The following MORC1 variants were observed in gnomAD, a reference collection of about 807,000 sequenced individuals.
MORC1 encodes MORC family CW-type zinc finger 1.
In MORC1, 59 loss-of-function variants were observed where a neutral mutation model predicts 134.9. The ratio of observed to expected loss-of-function variants is 0.44; its 90% CI spans 0.35 to 0.54. The LOEUF (loss-of-function observed/expected upper bound fraction) is 0.54. MORC1 is among the 20% of genes least tolerant of loss of function. The pLI, the probability that MORC1 is intolerant of heterozygous loss-of-function variation, is 0.00. For synonymous variants in MORC1, 395 were observed against 391.7 expected (o/e 1.01, Z -0.10); for missense variants, 947 against 1,134.5 (o/e 0.83, Z 2.37).
At chr3:109,000,807 A>C in intron 20 of MORC1, 149 bp from the exon 21 acceptor site, 1 of 597,734 alleles carries the variant, frequency 1.7e-6, no homozygotes, top group Non-Finnish European at 2.9e-6. Context: ...TTTGTGTATG[A>C]TAAGCGCTTG....
chr3:109,046,624 G>T (rs1949702353), intron 14 of MORC1, among the ~76,000 whole-genome samples: 1 of 152,066 alleles, frequency 6.6e-6, no homozygotes, highest in East Asian at 1.9e-4. Flanking sequence ...GCTCCTAAAA[G>T]CCTAAAGACC....
intron 27 of MORC1, 84 bp from the exon 28 acceptor site, chr3:108,959,204 C>T: frequency 8.4e-7 from 1 of 1,187,460 alleles, no homozygotes; most frequent in Non-Finnish European, 1.2e-6. Context: ...TAACAGTCTT[C>T]CCTATGACTC....
At chr3:109,054,942 T>C in intron 13 of MORC1, 60 bp from the exon 14 acceptor site, 1 of 1,419,918 alleles carries the variant, frequency 7.0e-7, no homozygotes, top group South Asian at 1.3e-5. Context: ...AAATCAAATA[T>C]ATTCTGGTCA....
intron 1 of MORC1, among the ~76,000 whole-genome samples, chr3:109,117,207 C>G (rs1310029098): frequency 1.3e-5 from 2 of 152,034 alleles, no homozygotes; most frequent in Non-Finnish European, 2.9e-5. Flanking sequence ...ATTATACAGT[C>G]TGTCCCACAG....
intron 11 of MORC1, among the ~76,000 whole-genome samples, chr3:109,061,288 C>T (rs908920664): frequency 3.3e-5 from 5 of 152,206 alleles, no homozygotes; most frequent in African/African-American, 9.6e-5. Context: ...CATTCACCAT[C>T]ATTTAAAGCT....
chr3:109,038,275 CTTG>C (rs1478459261), intron 14 of MORC1, among the ~76,000 whole-genome samples: 1 of 133,552 alleles, frequency 7.5e-6, no homozygotes, highest in African/African-American at 2.6e-5. Context: ...CCTTTGCCCA[CTTG>C]TTGATGGGGT....
intron 14 of MORC1, among the ~76,000 whole-genome samples, chr3:109,051,646 T>A (rs1949833938): frequency 6.6e-6 from 1 of 152,104 alleles, no homozygotes; most frequent in African/African-American, 2.4e-5. Flanking sequence ...AATTCATAGA[T>A]AACTATGGAA....
intron 14 of MORC1, chr3:109,049,278 G>A (rs1949765694): frequency 1.1e-5 from 3 of 280,094 alleles, no homozygotes; most frequent in Non-Finnish European, 1.6e-5. Flanking sequence ...ATGTTTTAAG[G>A]AAAATATTCA....
At chr3:108,961,029 T>C (rs1046128793) in intron 27 of MORC1, among the ~76,000 whole-genome samples, 3 of 152,244 alleles carry the variant, frequency 2.0e-5, no homozygotes, top group Admixed American at 2.0e-4. Context: ...TTCCATAAAC[T>C]GAGGTCTCCT....
chr3:109,008,478 C>T (rs1213243521), intron 17 of MORC1, among the ~76,000 whole-genome samples: 2 of 150,802 alleles, frequency 1.3e-5, no homozygotes, highest in East Asian at 3.9e-4. Flanking sequence ...ATGTATATTG[C>T]TATTATTATT....
intron 21 of MORC1, among the ~76,000 whole-genome samples, chr3:108,998,984 C>T (rs151007708): frequency 1.2e-3 from 187 of 152,320 alleles, no homozygotes; most frequent in Non-Finnish European, 1.6e-3. Context: ...AAAGTAAGGG[C>T]TCCATGAAAA....
chr3:109,071,629 TC>T (rs1950318766), intron 8 of MORC1, among the ~76,000 whole-genome samples: 1 of 152,152 alleles, frequency 6.6e-6, no homozygotes, highest in Non-Finnish European at 1.5e-5. Context: ...ATTCTCTCCT[TC>T]TCATGAAAGT....
At chr3:109,000,835 T>G (rs540022396) in intron 20 of MORC1, among the ~76,000 whole-genome samples, 177 bp from the exon 21 acceptor site, 9 of 152,204 alleles carry the variant, frequency 5.9e-5, no homozygotes, top group African/African-American at 2.2e-4. Context: ...TTAGAGCATA[T>G]CTGCCTTCCT....
chr3:109,094,422 G>A lies in MORC1; in HGVS notation c.583+487C>T, dbSNP rs566209993. ...TGCCAGTAGACACAGTGCATTCGACGTGTTGAACAGAAAGTTGGTGGAGGT... is the reference window on the plus strand; with the variant it reads ...TGCCAGTAGACACAGTGCATTCGACATGTTGAACAGAAAGTTGGTGGAGGT... On this transcript the variant is annotated intron_variant, in intron 7 of 27. Coordinates refer to ENST00000232603, the MANE Select transcript of MORC1 (RefSeq NM_014429.4). 1.4e-4 allele frequency among the ~76,000 whole-genome samples: 22 copies of A among 152,272 alleles called. 1 individual carries two copies. In the South Asian group the frequency reaches 4.2e-3, roughly 29 times the overall value.
intron 25 of MORC1, 57 bp downstream of exon 25, chr3:108,971,273 C>A: frequency 6.7e-7 from 1 of 1,492,310 alleles, no homozygotes; most frequent in South Asian, 1.2e-5. Flanking sequence ...CATTTTTCTT[C>A]ACTGAGATTC....
Position 109,110,707 on chromosome 3 carries a change from T to C in MORC1, c.154+42A>G, listed in dbSNP as rs373947197. On this transcript the variant is annotated intron_variant, in intron 3 of 27. Coordinates refer to ENST00000232603, the MANE Select transcript of MORC1 (RefSeq NM_014429.4). ...AATACAAGCAAAATAACTACAGTCT[T>C]TCCATTAGAAGAAAATAAAAGAAGA... is the stretch of plus-strand genomic sequence containing the variant. The C allele has an allele frequency of 4.7e-6, 7 of 1,500,976 alleles. No individual in the cohort carries two copies. The African/African-American group carries it at 8.5e-5, about 18-fold the overall frequency. The allele number at this position is 1,500,976 out of a possible 1,614,324, so 93.0% of individuals were successfully genotyped here. A position where few individuals can be genotyped will look rare whatever the true frequency, so the allele number is the denominator to read the frequency against.
At chr3:108,979,362 A>G (rs1319725213) in intron 24 of MORC1, among the ~76,000 whole-genome samples, 153 bp downstream of exon 24, 1 of 152,250 alleles carries the variant, frequency 6.6e-6, no homozygotes, top group East Asian at 1.9e-4. Flanking sequence ...AACCCATAGT[A>G]TATCTAAATC....
chr3:109,057,684 C>A (rs1163457034), intron 12 of MORC1, among the ~76,000 whole-genome samples, 198 bp from the exon 13 acceptor site: 1 of 141,606 alleles, frequency 7.1e-6, no homozygotes, highest in Admixed American at 6.8e-5. Flanking sequence ...CTATGCCAGT[C>A]AAACAAAGGA....
At chr3:109,093,841 A>C (rs1950776276) in intron 7 of MORC1, among the ~76,000 whole-genome samples, 1 of 152,232 alleles carries the variant, frequency 6.6e-6, no homozygotes, top group Non-Finnish European at 1.5e-5. Context: ...TGCATTATGA[A>C]ATTTGTTAAG....
Sources: gnomAD v4.1 joint callset for allele counts (sites outside exome capture counted in the v4.1 genomes callset) on GRCh38, gnomAD v4.1.1 for gene constraint, MANE v1.5 for transcripts, NCBI Gene and HGNC (gene_info 2026-07-23, HGNC 2026-07-21) for gene names.